Variants in ZNF521 observed in about 807,000 individuals in gnomAD.
ZNF521 encodes the protein LYST-interacting protein 3.
ZNF521 carries 14 observed loss-of-function variants against 105.5 expected under a neutral mutation model. The ratio of observed to expected loss-of-function variants is 0.13; its 90% CI spans 0.09 to 0.21. ZNF521 has a LOEUF of 0.21. Among genes scored for constraint, ZNF521 ranks in the 10% least tolerant of loss-of-function variants. ZNF521 has a pLI of 1.00. For synonymous variants in ZNF521, 635 were observed against 606.0 expected, an observed-to-expected ratio of 1.05 and a Z score of -0.70; for missense variants, 1,233 against 1,629.7, an observed-to-expected ratio of 0.76 and a Z score of 4.19.
chr18:25,259,604 G>A (rs1908767865), intron 3 of ZNF521, among the ~76,000 whole-genome samples: 1 of 152,048 alleles, frequency 6.6e-6, no homozygotes, highest in Non-Finnish European at 1.5e-5. Context: ...GTGGAGTCGG[G>A]GTCCAGGTGA....
At chr18:25,173,339 A>G (rs1294778545) in intron 5 of ZNF521, among the ~76,000 whole-genome samples, 1 of 152,150 alleles carries the variant, frequency 6.6e-6, no homozygotes, top group Non-Finnish European at 1.5e-5. Flanking sequence ...CATTATTTGA[A>G]CTGTGCATAA....
chr18:25,288,508 C>T (rs1910828880), intron 3 of ZNF521, among the ~76,000 whole-genome samples: 2 of 150,594 alleles, frequency 1.3e-5, no homozygotes, highest in South Asian at 4.2e-4. Context: ...TTCTCTTTTC[C>T]TCTTTTCTCT....
chr18:25,314,726 T>A (rs1164609338), intron 3 of ZNF521, among the ~76,000 whole-genome samples: 1 of 152,218 alleles, frequency 6.6e-6, no homozygotes, highest in African/African-American at 2.4e-5. Context: ...ACTAACACAA[T>A]GCTATTTAGT....
chr18:25,280,422 A>T (rs1006160461), intron 3 of ZNF521, among the ~76,000 whole-genome samples: 59 of 119,638 alleles, frequency 4.9e-4, no homozygotes, highest in African/African-American at 1.3e-3. Context: ...GTAAAAAATT[A>T]AAAAAAAAAA....
At chr18:25,072,907 C>T (rs144220136) in intron 7 of ZNF521, among the ~76,000 whole-genome samples, 2,563 of 152,276 alleles carry the variant, frequency 0.017, 23 homozygotes, top group Middle Eastern at 0.031. Context: ...ATCACACTGG[C>T]GCTTTCTAAA....
intron 5 of ZNF521, among the ~76,000 whole-genome samples, chr18:25,159,020 C>T (rs1567987431): frequency 6.6e-6 from 1 of 150,664 alleles, no homozygotes; most frequent in African/African-American, 2.4e-5. Flanking sequence ...ATCCAGCAAA[C>T]ATGTAAAGTG....
intron 2 of ZNF521, among the ~76,000 whole-genome samples, chr18:25,334,381 A>G (rs775255912): frequency 1.4e-4 from 22 of 152,136 alleles, no homozygotes; most frequent in African/African-American, 4.1e-4. Flanking sequence ...CTTCATTTGA[A>G]AAGTATGGGA....
chr18:25,261,851 G>T lies in ZNF521; in HGVS notation c.221-34154C>A, dbSNP rs188448733. Among the ~76,000 whole-genome samples the T allele has an allele frequency of 7.5e-3, 1,139 of 152,074 alleles. 9 individuals are homozygous for T. Among genetic ancestry groups the T allele is most frequent in the Non-Finnish European group, 0.011 (717 of 68,006 alleles). ...ATGCCCAGAGTTGCTGAGTCTAACC[G>T]TAACTTATTACCCACCCCCTGCTGT... is the stretch of plus-strand genomic sequence containing the variant. On this transcript the variant is annotated intron_variant, in intron 3 of 7. Coordinates refer to ENST00000361524, the MANE Select transcript of ZNF521 (RefSeq NM_015461.3).
intron 2 of ZNF521, among the ~76,000 whole-genome samples, chr18:25,330,540 G>T (rs975160314): frequency 1.3e-5 from 2 of 152,012 alleles, no homozygotes; most frequent in Non-Finnish European, 2.9e-5. Flanking sequence ...AAGGATCTTT[G>T]GTAAGACTCC....
At chr18:25,196,245 A>C (rs1489142037) in intron 4 of ZNF521, among the ~76,000 whole-genome samples, 3 of 151,730 alleles carry the variant, frequency 2.0e-5, no homozygotes, top group Non-Finnish European at 4.4e-5. Context: ...AACATGAGAA[A>C]ATTACATTTG....
intron 5 of ZNF521, among the ~76,000 whole-genome samples, chr18:25,164,538 C>T (rs1233921485): frequency 6.6e-5 from 10 of 152,214 alleles, no homozygotes; most frequent in Non-Finnish European, 5.9e-5. Flanking sequence ...GTGTTACTAT[C>T]AGTTTAATTT....
intron 2 of ZNF521, among the ~76,000 whole-genome samples, chr18:25,338,599 A>G (rs1349419246): frequency 6.6e-6 from 1 of 152,086 alleles, no homozygotes; most frequent in Non-Finnish European, 1.5e-5. Context: ...TTTGGTAAAG[A>G]TGGGGATTCA....
chr18:25,070,204 C>T (rs774920101), intron 7 of ZNF521, among the ~76,000 whole-genome samples: 8 of 152,146 alleles, frequency 5.3e-5, no homozygotes, highest in Non-Finnish European at 8.8e-5. Flanking sequence ...CACACTTAGG[C>T]CAGTTTTGAA....
At chr18:25,118,277 C>G (rs1191965363) in intron 5 of ZNF521, among the ~76,000 whole-genome samples, 1 of 151,844 alleles carries the variant, frequency 6.6e-6, no homozygotes, top group Admixed American at 6.6e-5. Flanking sequence ...CAGAACTGAA[C>G]TATAAAGAGT....
intron 5 of ZNF521, among the ~76,000 whole-genome samples, chr18:25,092,546 A>C (rs1251770456): frequency 6.6e-6 from 1 of 152,152 alleles, no homozygotes; most frequent in Non-Finnish European, 1.5e-5. Context: ...ATCTTTTTCT[A>C]TTTCCAAGAA....
chr18:25,130,745 TA>T (rs2034625331), intron 5 of ZNF521, among the ~76,000 whole-genome samples: 1 of 152,030 alleles, frequency 6.6e-6, no homozygotes, highest in Non-Finnish European at 1.5e-5. Context: ...GAGTTGGAGA[TA>T]GGCCTGGGCA....
chr18:25,173,977 C>T (rs988372346), intron 5 of ZNF521, among the ~76,000 whole-genome samples: 5 of 151,816 alleles, frequency 3.3e-5, no homozygotes, highest in Admixed American at 6.6e-5. Context: ...GTATGTTTTC[C>T]GAAAGACTGA....
chr18:25,103,590 G>A (rs556621361), intron 5 of ZNF521, among the ~76,000 whole-genome samples: 1 of 152,220 alleles, frequency 6.6e-6, no homozygotes, highest in East Asian at 1.9e-4. Context: ...TCTCTCTTGG[G>A]CACCATTCTG....
intron 5 of ZNF521, among the ~76,000 whole-genome samples, chr18:25,124,383 T>A (rs538292416): frequency 9.8e-5 from 15 of 152,296 alleles, no homozygotes; most frequent in Non-Finnish European, 1.2e-4. Flanking sequence ...CACTGGGTCC[T>A]GCTTCAGAAA....
Sources: allele counts gnomAD v4.1 joint callset (sites outside exome capture counted in the v4.1 genomes callset), GRCh38; gene constraint gnomAD v4.1.1; transcripts MANE v1.5; gene names NCBI Gene and HGNC (gene_info 2026-07-23, HGNC 2026-07-21).